Variants in ERLEC1 observed in about 807,000 individuals in gnomAD.
The protein encoded by ERLEC1 is ER lectin.
Under a neutral mutation model 68.0 loss-of-function variants are expected in ERLEC1, and 47 were observed. The observed-to-expected ratio is 0.69, with a 90% CI of 0.55 to 0.88. The LOEUF is 0.88. Ranked by LOEUF, ERLEC1 falls within the 40% of genes least tolerant of loss-of-function variation. The pLI, the probability that ERLEC1 is intolerant of heterozygous loss-of-function variation, is 0.00. For missense variants in ERLEC1, 567 were observed against 583.8 expected, an observed-to-expected ratio of 0.97 and a Z score of 0.30; for synonymous variants, 225 against 203.2, an observed-to-expected ratio of 1.11 and a Z score of -0.91.
chr2:53,788,108 C>T (rs982818910), intron 1 of ERLEC1, among the ~76,000 whole-genome samples: 1 of 152,184 alleles, frequency 6.6e-6, no homozygotes, highest in African/African-American at 2.4e-5. Flanking sequence ...GTACCTACTG[C>T]AGGCTAATAA....
rs192823598 is a variant in ERLEC1 at position 53,791,680 on chromosome 2, A to C, written c.163-2665A>C. ...AAACTAATGAAAGACTATTATTTGC[A>C]TCAAGAATTGTCTTCCCTTTTTTGC... is the stretch of plus-strand genomic sequence containing the variant. On this transcript the variant is annotated intron_variant, in intron 1 of 13. Coordinates refer to ENST00000185150, the MANE Select transcript of ERLEC1 (RefSeq NM_015701.5). Among the ~76,000 whole-genome samples the C allele has an allele frequency of 1.6e-3, 245 of 152,276 alleles. 1 individual carries two copies. Among genetic ancestry groups the C allele is most frequent in the African/African-American group, 5.4e-3 (225 of 41,562 alleles).
chr2:53,814,397 T>A (rs1676751127), intron 11 of ERLEC1, 146 bp from the exon 12 acceptor site: 1 of 513,094 alleles, frequency 1.9e-6, no homozygotes, highest in African/African-American at 1.9e-5. Context: ...ACCCTAAAAA[T>A]ATTTTTTTAA....
chr2:53,801,737 CAT>C lies in ERLEC1; in HGVS notation c.777_778del (p.Phe260LeufsTer10). 1 of 1,614,020 alleles carries C rather than the reference CAT, an allele frequency of 6.2e-7. No individual in the cohort carries two copies. Among genetic ancestry groups the C allele is most frequent in the Non-Finnish European group, 8.5e-7 (1 of 1,179,958 alleles). ...GGTTCAGAGCATCTCCTGTGAATGA[CAT>C]ATTTTGTCAATCACTGCCAGGATCT... ...YRFRASPVND[I>X]FCQSLPGSPF... On this transcript the variant is annotated frameshift_variant, in exon 8 of 14. Transcript: ENST00000185150. LOFTEE classifies it high-confidence loss of function.
intron 8 of ERLEC1, among the ~76,000 whole-genome samples, chr2:53,806,512 A>C (rs1676302188): frequency 6.6e-6 from 1 of 152,184 alleles, no homozygotes; most frequent in South Asian, 2.1e-4. Context: ...GCAGCACCTA[A>C]AGTAATGCCA....
At chr2:53,797,415 T>C (rs1675771532) in intron 3 of ERLEC1, 100 bp from the exon 4 acceptor site, 1 of 785,502 alleles carries the variant, frequency 1.3e-6, no homozygotes, top group South Asian at 1.9e-5. Flanking sequence ...GAAAGCTTAC[T>C]CTGAAATCTT....
intron 1 of ERLEC1, among the ~76,000 whole-genome samples, chr2:53,787,797 C>T (rs138591581): frequency 5.9e-5 from 9 of 152,344 alleles, no homozygotes; most frequent in Admixed American, 5.2e-4. Flanking sequence ...GACTCGAGTT[C>T]CCTCTCTCGT....
In ERLEC1 at chr2:53,818,276, C is replaced by G. The variant is rs1353245130; in HGVS notation, c.*307C>G. 5 of 207,092 alleles carry G rather than the reference C, an allele frequency of 2.4e-5. No individual in the cohort carries two copies. Among genetic ancestry groups the G allele is most frequent in the Admixed American group, 1.6e-4 (3 of 18,750 alleles). 12.8% of individuals were successfully genotyped at this position (207,092 alleles called of 1,614,324 possible). A position where few individuals can be genotyped will look rare whatever the true frequency, so the allele number is the denominator to read the frequency against. On this transcript the variant is annotated 3_prime_UTR_variant, in exon 14 of 14. Coordinates refer to ENST00000185150, the MANE Select transcript of ERLEC1 (RefSeq NM_015701.5). ...GTTAGAGTCCAGCCTAATCAAATGTCATAATTGTTGTACCTATTGAAAGTT... is the reference window on the plus strand; with the variant it reads ...GTTAGAGTCCAGCCTAATCAAATGTGATAATTGTTGTACCTATTGAAAGTT...
chr2:53,809,688 G>T (rs1236893422), intron 10 of ERLEC1, among the ~76,000 whole-genome samples: 2 of 152,078 alleles, frequency 1.3e-5, no homozygotes, highest in Non-Finnish European at 2.9e-5. Context: ...AGGCGGAGGA[G>T]GTTGCAGTGA....
At chr2:53,802,015 T>C (rs1676032081) in intron 8 of ERLEC1, among the ~76,000 whole-genome samples, 173 bp downstream of exon 8, 1 of 152,210 alleles carries the variant, frequency 6.6e-6, no homozygotes, top group Admixed American at 6.5e-5. Context: ...ATTCTAGTAC[T>C]ACTCAAACTA....
At position 53,814,877 on chromosome 2, in the gene ERLEC1, C is replaced by T; in HGVS notation, c.1322C>T (p.Ser441Leu). 6.2e-7 allele frequency: 1 copy of T among 1,608,026 alleles called. No homozygotes were observed. The highest frequency in any genetic ancestry group is 8.5e-7 in the Non-Finnish European group (1 of 1,176,070). Residue 441 changes from serine to leucine, a missense_variant, in exon 13 of 14, where the codon TCA (serine) becomes TTA (leucine). Transcript: ENST00000185150. ...TGTTTTAGGTGCAAAGAATCAGATT[C>T]ACCTCATGCTGTTACTGTATATATG... ...TVKLKCKESD[S>L]PHAVTVYMLE...
intron 1 of ERLEC1, among the ~76,000 whole-genome samples, chr2:53,791,683 A>G (rs1354849276): frequency 6.6e-6 from 1 of 152,168 alleles, no homozygotes; most frequent in Non-Finnish European, 1.5e-5. Flanking sequence ...TATTTGCATC[A>G]AGAATTGTCT....
At chr2:53,788,167 T>C (rs1214209285) in intron 1 of ERLEC1, among the ~76,000 whole-genome samples, 3 of 152,232 alleles carry the variant, frequency 2.0e-5, no homozygotes, top group Non-Finnish European at 4.4e-5. Flanking sequence ...CTCATTTACT[T>C]CAAATTGAAG....
chr2:53,797,597 G>A lies in ERLEC1; in HGVS notation c.426+5G>A, dbSNP rs1385401512. 6.2e-7 allele frequency: 1 copy of A among 1,607,424 alleles called. No individual in the cohort carries two copies. Among genetic ancestry groups the A allele is most frequent in the Non-Finnish European group, 8.5e-7 (1 of 1,177,434 alleles). ...GAAGAGAAAGAAACTGGTCAGGTGT[G>A]TTTTTCTTCAAAATATTATTATGAA... On this transcript the variant is annotated splice_donor_5th_base_variant and intron_variant, in intron 4 of 13. Coordinates refer to ENST00000185150, the MANE Select transcript of ERLEC1 (RefSeq NM_015701.5).
chr2:53,795,026 AACAAGATAAC>A (rs1675613298), intron 2 of ERLEC1, among the ~76,000 whole-genome samples: 1 of 109,678 alleles, frequency 9.1e-6, no homozygotes, highest in Non-Finnish European at 1.9e-5. Context: ...AGGGTTTTAA[AACAAGATAAC>A]AATTTTTAAA....
At chr2:53,811,409 T>C (rs1438018503) in intron 10 of ERLEC1, among the ~76,000 whole-genome samples, 1 of 152,196 alleles carries the variant, frequency 6.6e-6, no homozygotes, top group Non-Finnish European at 1.5e-5. Context: ...GTTAGACCAG[T>C]TTACACTCCC....
chr2:53,812,328 G>C (rs998759404), intron 10 of ERLEC1, among the ~76,000 whole-genome samples: 1 of 152,166 alleles, frequency 6.6e-6, no homozygotes, highest in African/African-American at 2.4e-5. Flanking sequence ...GGATAAGGAA[G>C]AAGAAAGAAG....
intron 3 of ERLEC1, 97 bp downstream of exon 3, chr2:53,796,110 G>GT (rs72502136): frequency 0.022 from 13,674 of 624,652 alleles, no homozygotes; most frequent in Non-Finnish European, 0.025. Context: ...GTTGTGTCAG[G>GT]TTTTTTTTTT....
intron 10 of ERLEC1, among the ~76,000 whole-genome samples, chr2:53,811,916 T>G (rs1202474829): frequency 1.3e-5 from 2 of 152,140 alleles, no homozygotes; most frequent in Non-Finnish European, 2.9e-5. Flanking sequence ...ATAGGGGTTT[T>G]TTTTGTTTTG....
chr2:53,796,082 C>A (rs923260456), intron 3 of ERLEC1, 69 bp downstream of exon 3: 1 of 1,071,506 alleles, frequency 9.3e-7, no homozygotes, highest in Admixed American at 2.4e-5. Flanking sequence ...TTTGAAAATA[C>A]CGTTTCTTCT....
Sources: gnomAD v4.1 joint callset for allele counts (sites outside exome capture counted in the v4.1 genomes callset) on GRCh38, gnomAD v4.1.1 for gene constraint, MANE v1.5 for transcripts, NCBI Gene and HGNC (gene_info 2026-07-23, HGNC 2026-07-21) for gene names.